SHANK2: variants seen among roughly 807,000 people sequenced by gnomAD.
The protein encoded by SHANK2 is SH3 and multiple ankyrin repeat domains protein 2.
Under a neutral mutation model 133.7 loss-of-function variants are expected in SHANK2, and 43 were observed. The observed-to-expected ratio is 0.32, with a 90% CI of 0.25 to 0.41. The LOEUF (loss-of-function observed/expected upper bound fraction) is 0.41, where lower values mean the gene tolerates loss of function less well. Among genes scored for constraint, SHANK2 ranks in the 10% least tolerant of loss-of-function variants. The pLI is 1.00. For missense variants in SHANK2, 1,994 were observed against 2,235.8 expected (o/e 0.89, Z 2.18); for synonymous variants, 1,017 against 952.8 (o/e 1.07, Z -1.24).
intron 1 of SHANK2, among the ~76,000 whole-genome samples, chr11:71,234,113 C>T (rs1394985780): frequency 1.2e-4 from 16 of 134,888 alleles, no homozygotes; most frequent in African/African-American, 2.6e-4. Context: ...TTTCAGAGGC[C>T]GAGGTAGGCG....
chr11:70,933,967 C>T (rs1251065989), intron 10 of SHANK2, among the ~76,000 whole-genome samples: 1 of 151,496 alleles, frequency 6.6e-6, no homozygotes, highest in African/African-American at 2.4e-5. Flanking sequence ...CGCAGTGGCT[C>T]ATGCCTATTA....
intron 3 of SHANK2, among the ~76,000 whole-genome samples, chr11:71,127,129 G>A (rs1952207072): frequency 6.6e-6 from 1 of 152,224 alleles, no homozygotes; most frequent in African/African-American, 2.4e-5. Context: ...AACTGCAGAT[G>A]TGGAAATAGC....
intron 11 of SHANK2, among the ~76,000 whole-genome samples, chr11:70,850,607 C>T (rs59360552): frequency 0.026 from 3,922 of 152,312 alleles, 156 homozygotes; most frequent in African/African-American, 0.09. Context: ...TGAGCTCTCT[C>T]CCAAATTCCA....
At chr11:70,534,747 C>T (rs1347157388) in intron 17 of SHANK2, among the ~76,000 whole-genome samples, 1 of 152,192 alleles carries the variant, frequency 6.6e-6, no homozygotes, top group Non-Finnish European at 1.5e-5. Flanking sequence ...GACAGTGACA[C>T]AGTTCATCAG....
At chr11:71,241,792 G>A (rs1229947634) in intron 1 of SHANK2, among the ~76,000 whole-genome samples, 1 of 152,172 alleles carries the variant, frequency 6.6e-6, no homozygotes, top group Non-Finnish European at 1.5e-5. Flanking sequence ...AGAAAGGTGG[G>A]GCCTCCTTCT....
At chr11:70,521,810 C>T (rs573768908) in intron 17 of SHANK2, among the ~76,000 whole-genome samples, 35 of 152,334 alleles carry the variant, frequency 2.3e-4, no homozygotes, top group African/African-American at 7.9e-4. Flanking sequence ...CCCCTGGAGA[C>T]GGTGCCACGG....
At chr11:71,237,078 G>A (rs1416581451) in intron 1 of SHANK2, among the ~76,000 whole-genome samples, 2 of 152,282 alleles carry the variant, frequency 1.3e-5, no homozygotes, top group Non-Finnish European at 2.9e-5. Context: ...AATGGTCACC[G>A]TTCGCTCTGG....
At chr11:70,572,086 G>T (rs994974161) in intron 17 of SHANK2, among the ~76,000 whole-genome samples, 2 of 152,208 alleles carry the variant, frequency 1.3e-5, no homozygotes, top group African/African-American at 2.4e-5. Context: ...CCACACCAGG[G>T]ACAGGCCCTC....
intron 17 of SHANK2, among the ~76,000 whole-genome samples, chr11:70,576,509 T>A (rs1029278383): frequency 6.6e-6 from 1 of 152,026 alleles, no homozygotes; most frequent in East Asian, 1.9e-4. Flanking sequence ...TGGTGGTGGG[T>A]GCCTGCAGTC....
At chr11:71,209,604 A>G (rs534835268) in intron 2 of SHANK2, among the ~76,000 whole-genome samples, 3 of 152,258 alleles carry the variant, frequency 2.0e-5, no homozygotes, top group Non-Finnish European at 4.4e-5. Flanking sequence ...CTTCTGGGAG[A>G]GCTGCAAAGC....
intron 15 of SHANK2, among the ~76,000 whole-genome samples, chr11:70,675,173 T>G (rs1051183791): frequency 6.6e-6 from 1 of 152,234 alleles, no homozygotes; most frequent in African/African-American, 2.4e-5. Context: ...CTCTTTACTT[T>G]GTCTAGGTTT....
At chr11:70,863,855 C>G (rs956270400) in intron 11 of SHANK2, 11 of 457,544 alleles carry the variant, frequency 2.4e-5, no homozygotes, top group African/African-American at 2.0e-4. Context: ...TGACGACAGC[C>G]ACCTGCAAGC....
intron 11 of SHANK2, among the ~76,000 whole-genome samples, chr11:70,891,297 G>A (rs1019959249): frequency 1.1e-4 from 17 of 152,226 alleles, no homozygotes; most frequent in African/African-American, 3.6e-4. Flanking sequence ...GGCAGATCAC[G>A]AGGTCAGGAG....
At chr11:71,159,170 G>C (rs376304069) in intron 2 of SHANK2, among the ~76,000 whole-genome samples, 1 of 152,210 alleles carries the variant, frequency 6.6e-6, no homozygotes, top group Non-Finnish European at 1.5e-5. Flanking sequence ...TGGGGCTAAA[G>C]CCAAGGTGTT....
At chr11:70,909,051 C>G (rs1555078509) in intron 10 of SHANK2, among the ~76,000 whole-genome samples, 3 of 152,190 alleles carry the variant, frequency 2.0e-5, no homozygotes, top group African/African-American at 7.2e-5. Context: ...GTTTAACAAA[C>G]ACACAAAAGA....
intron 11 of SHANK2, among the ~76,000 whole-genome samples, chr11:70,821,836 C>G (rs1948530712): frequency 1.3e-5 from 2 of 152,174 alleles, no homozygotes; most frequent in Admixed American, 6.5e-5. Context: ...TAAGAAGGTG[C>G]CTTCCTCCCT....
At position 70,471,149 on chromosome 11, in the gene SHANK2, T is replaced by C. The variant is rs1591469810; in HGVS notation, c.*1720A>G. Reference sequence around the variant, plus strand: ...CCAGCCACTTTTTTTTCTTAAAATATTGTGCTTATAAACTATCTGTACAAC... The same window carrying C: ...CCAGCCACTTTTTTTTCTTAAAATACTGTGCTTATAAACTATCTGTACAAC... On this transcript the variant is annotated 3_prime_UTR_variant, in exon 26 of 26. Coordinates refer to ENST00000601538, the MANE Select transcript of SHANK2 (RefSeq NM_012309.5). The surrounding 1 kb of genome is among the most constrained non-coding windows in gnomAD (Gnocchi z 4.1). The C allele has an allele frequency of 2.5e-6, 1 of 398,154 alleles. No homozygotes were observed. The highest frequency in any genetic ancestry group is 4.4e-6 in the Non-Finnish European group (1 of 225,840). The allele number at this position is 398,154 out of a possible 1,614,324, so 24.7% of individuals were successfully genotyped here.
intron 20 of SHANK2, among the ~76,000 whole-genome samples, chr11:70,501,323 C>T (rs576290258): frequency 1.7e-4 from 26 of 152,372 alleles, no homozygotes; most frequent in African/African-American, 2.9e-4. Context: ...AGACTCCTCT[C>T]GGGAAAGCTG....
intron 17 of SHANK2, among the ~76,000 whole-genome samples, chr11:70,522,809 G>A (rs2059347006): frequency 6.6e-6 from 1 of 152,198 alleles, no homozygotes; most frequent in Admixed American, 6.5e-5. Context: ...CCAACCAGGC[G>A]GCATCATTTG....
Sources: allele counts gnomAD v4.1 joint callset (sites outside exome capture counted in the v4.1 genomes callset), GRCh38; gene constraint gnomAD v4.1.1; non-coding constraint Gnocchi (gnomAD v3.1); transcripts MANE v1.5; gene names NCBI Gene and HGNC (gene_info 2026-07-23, HGNC 2026-07-21).